SEC61A1: variants seen among roughly 807,000 people sequenced by gnomAD.
SEC61A1 encodes protein transport protein Sec61 subunit alpha isoform 1.
Under a neutral mutation model 55.2 loss-of-function variants are expected in SEC61A1, and 15 were observed. The observed-to-expected ratio is 0.27, with a 90% confidence interval of 0.18 to 0.42. SEC61A1 has a LOEUF of 0.42. SEC61A1 is among the 10% of genes least tolerant of loss of function. The probability of loss-of-function intolerance (pLI) is 1.00; values close to 1 mark genes in which losing one functional copy is unlikely to be tolerated. For synonymous variants in SEC61A1, 247 were observed against 234.0 expected (o/e 1.06, Z -0.51); for missense variants, 284 against 602.6 (o/e 0.47, Z 5.53).
In SEC61A1 at chr3:128,069,743, G is replaced by A. The variant is rs562589014; in HGVS notation, c.*81G>A. On this transcript the variant is annotated 3_prime_UTR_variant, in exon 12 of 12. Transcript: ENST00000243253. ...CTCTCATCATGGCGCGTGCTGCTGCGGCATATGGACTTTTAATAATGTTTT... is the reference window on the plus strand; with the variant it reads ...CTCTCATCATGGCGCGTGCTGCTGCAGCATATGGACTTTTAATAATGTTTT... 165 of 1,144,930 alleles carry A rather than the reference G, an allele frequency of 1.4e-4. No individual in the cohort carries two copies. In the African/African-American group the frequency reaches 1.9e-3, roughly 13 times the overall value. The allele number at this position is 1,144,930 out of a possible 1,614,324, so 70.9% of individuals were successfully genotyped here.
At position 128,067,103 on chromosome 3, in the gene SEC61A1, A is replaced by G. The variant is rs982380775; in HGVS notation, c.927A>G (p.Ser309=). Residue 309 remains serine, a synonymous_variant, in exon 9 of 12, where the codon TCA becomes TCG. Coordinates refer to ENST00000243253, the MANE Select transcript of SEC61A1 (RefSeq NM_013336.4). This position sits in a 1 kb window ranked among gnomAD's most constrained non-coding sequence, Gnocchi z 4.1. The stretch of plus-strand genomic sequence containing the variant: ...TTTATGTCATCTCCCAAATGCTCTC[A>G]GCTCGCTTCAGTGGCAACTTGCTGG... ...SNLYVISQML[S]ARFSGNLLVS... 3 of 1,614,162 alleles carry G rather than the reference A, an allele frequency of 1.9e-6. No homozygotes were observed. In the African/African-American group the frequency reaches 4.0e-5, roughly 22 times the overall value.
At chr3:128,057,162 G>A (rs1346638962) in intron 5 of SEC61A1, among the ~76,000 whole-genome samples, 4 of 152,170 alleles carry the variant, frequency 2.6e-5, no homozygotes, top group Non-Finnish European at 5.9e-5. Flanking sequence ...TTGAACTCCT[G>A]ATCTTGTGAT....
rs72974026 is a variant in SEC61A1, at chr3:128,059,744, G to A, written c.353-358G>A. ...CATTGAGTTTGGGTGCTGCAGGTGT[G>A]ACATCTCCAGATTGTGTCTCCGGAT... On this transcript the variant is annotated intron_variant, in intron 5 of 11. Coordinates refer to ENST00000243253, the MANE Select transcript of SEC61A1 (RefSeq NM_013336.4). 2.8e-3 allele frequency among the ~76,000 whole-genome samples: 422 copies of A among 152,144 alleles called. 2 individuals carry two copies. Among genetic ancestry groups the A allele is most frequent in the African/African-American group, 9.6e-3 (398 of 41,514 alleles).
upstream of SEC61A1, chr3:128,051,758 C>A: frequency 2.0e-6 from 3 of 1,505,222 alleles, no homozygotes; most frequent in South Asian, 2.5e-5. Context: ...TTCCTGAATT[C>A]TTCTGTGAGG....
chr3:128,062,171 A>G (rs113535278), intron 7 of SEC61A1, among the ~76,000 whole-genome samples: 3 of 152,330 alleles, frequency 2.0e-5, no homozygotes, highest in African/African-American at 4.8e-5. Flanking sequence ...GTGTGTCTAC[A>G]TGTCAGTTGC....
rs1196541821 is a variant in SEC61A1 at position 128,070,724 on chromosome 3, G to A, written c.*1062G>A. Reference sequence around the variant, plus strand: ...GGCTCAAGGTTGGTAGTGAAGTCAGGTTCGGGGTGCATGGGCTGTGGTGGT... The same window carrying A: ...GGCTCAAGGTTGGTAGTGAAGTCAGATTCGGGGTGCATGGGCTGTGGTGGT... On this transcript the variant is annotated 3_prime_UTR_variant, in exon 12 of 12. Coordinates refer to ENST00000243253, the MANE Select transcript of SEC61A1 (RefSeq NM_013336.4). 3 of 152,408 alleles carry A rather than the reference G, an allele frequency of 2.0e-5. No individual in the cohort carries two copies. Among genetic ancestry groups the A allele is most frequent in the Admixed American group, 6.5e-5 (1 of 15,282 alleles). The allele number at this position is 152,408 out of a possible 1,614,324, so 9.4% of individuals were successfully genotyped here.
At chr3:128,051,935 A>G (rs1342910020), upstream of SEC61A1, 1 of 1,511,480 alleles carries the variant, frequency 6.6e-7, no homozygotes, top group Admixed American at 2.0e-5. Flanking sequence ...CCCGCGCCCT[A>G]CTCAGCAGGT....
intron 7 of SEC61A1, among the ~76,000 whole-genome samples, chr3:128,061,318 C>T (rs2107644936): frequency 6.6e-6 from 1 of 152,300 alleles, no homozygotes. Flanking sequence ...GCTACATCCA[C>T]CAAGTGCCGT....
upstream of SEC61A1, chr3:128,052,226 C>A: frequency 8.1e-6 from 3 of 369,974 alleles, no homozygotes; most frequent in South Asian, 4.4e-5. Flanking sequence ...GCCGCACACC[C>A]CCAGTCCCGG....
chr3:128,066,274 C>G (rs1193264522), intron 8 of SEC61A1, among the ~76,000 whole-genome samples: 2 of 152,156 alleles, frequency 1.3e-5, no homozygotes, highest in Admixed American at 6.5e-5. Context: ...TAGGAAACAT[C>G]ACCAGCTAGA....
Position 128,067,158 on chromosome 3 carries a change from A to C in SEC61A1, c.975+7A>C, listed in dbSNP as rs919505633. The stretch of plus-strand genomic sequence containing the variant: ...CCTGCTGGGCACCTGGTCGGTAAGT[A>C]GGCTCTTTGAAGATGAGCTAGCAAT... On this transcript the variant is annotated splice_region_variant and intron_variant, in intron 9 of 11. Coordinates refer to ENST00000243253, the MANE Select transcript of SEC61A1 (RefSeq NM_013336.4). This position sits in a 1 kb window ranked among gnomAD's most constrained non-coding sequence, Gnocchi z 4.1. The C allele has an allele frequency of 3.2e-5, 51 of 1,613,748 alleles. No homozygotes were observed. Among genetic ancestry groups the C allele is most frequent in the Non-Finnish European group, 4.2e-5 (50 of 1,179,726 alleles).
chr3:128,069,549 G>A lies in SEC61A1; in HGVS notation c.1318G>A (p.Ala440Thr), dbSNP rs752943775. The change falls in exon 12 of 12, where the codon GCC becomes ACC. Residue 440 changes from alanine to threonine, a missense_variant. Transcript: ENST00000243253. ...CTCGGTCCTGGCTGACTTCCTAGGCGCCATTGGGTCTGGAACCGGGATCCT... is the reference window on the plus strand; with the variant it reads ...CTCGGTCCTGGCTGACTTCCTAGGCACCATTGGGTCTGGAACCGGGATCCT... The part of the protein sequence containing the change: ...ALSVLADFLG[A>T]IGSGTGILLA... 3.1e-6 allele frequency: 5 copies of A among 1,613,986 alleles called. No individual in the cohort carries two copies. Among genetic ancestry groups the A allele is most frequent in the Admixed American group, 1.7e-5 (1 of 60,000 alleles).
At chr3:128,068,121 C>A in intron 11 of SEC61A1, 62 bp downstream of exon 11, 2 of 1,344,036 alleles carry the variant, frequency 1.5e-6, no homozygotes, top group Non-Finnish European at 2.1e-6. Flanking sequence ...TCTTTCCATG[C>A]AGGGCATCCT....
At chr3:128,057,227 C>T (rs1559794878) in intron 5 of SEC61A1, among the ~76,000 whole-genome samples, 1 of 152,222 alleles carries the variant, frequency 6.6e-6, no homozygotes, top group Non-Finnish European at 1.5e-5. Context: ...CCACCATGCC[C>T]AGCCCAAACA....
At chr3:128,051,863 C>A (rs1256753825), upstream of SEC61A1, 2 of 1,536,042 alleles carry the variant, frequency 1.3e-6, no homozygotes, top group Admixed American at 2.0e-5. Context: ...CCCACACCCA[C>A]GACAAGCCTC....
At position 128,069,759 on chromosome 3, in the gene SEC61A1, A is replaced by G. The variant is rs1942101308; in HGVS notation, c.*97A>G. On this transcript the variant is annotated 3_prime_UTR_variant, in exon 12 of 12. Coordinates refer to ENST00000243253, the MANE Select transcript of SEC61A1 (RefSeq NM_013336.4). ...TGCTGCTGCGGCATATGGACTTTTA[A>G]TAATGTTTTTGAATTTCGTATTCTT... 6 of 1,004,670 alleles carry G rather than the reference A, an allele frequency of 6.0e-6. No homozygotes were observed. Among genetic ancestry groups the G allele is most frequent in the Non-Finnish European group, 1.5e-6 (1 of 672,874 alleles). 62.2% of individuals were successfully genotyped at this position (1,004,670 alleles called of 1,614,324 possible).
chr3:128,057,577 TG>T (rs71153111), intron 5 of SEC61A1, among the ~76,000 whole-genome samples: 152,264 of 152,268 alleles, frequency 1, 76,130 homozygotes, highest in Middle Eastern at 1. Context: ...TTTAACTGAC[TG>T]GGGGGCGGTG....
rs1941702515 is a variant in SEC61A1 at position 128,052,539 on chromosome 3, GAGC to G, written c.-10_-8del. 1.3e-6 allele frequency: 2 copies of G among 1,597,394 alleles called. No homozygotes were observed. The highest frequency in any genetic ancestry group is 4.5e-5 in the East Asian group (2 of 44,188). ...TGAGCTGAAGCGGGACCCGGAGCCC[GAGC>G]AGCCGCCGCCATGGCAAGTGAGTCC... On this transcript the variant is annotated 5_prime_UTR_variant, in exon 1 of 12. Transcript: ENST00000243253.
chr3:128,052,238 G>A, upstream of SEC61A1: 1 of 327,452 alleles, frequency 3.1e-6, no homozygotes. Context: ...CAGTCCCGGC[G>A]GGCCCCGCGC....
Sources: allele counts gnomAD v4.1 joint callset (sites outside exome capture counted in the v4.1 genomes callset), GRCh38; gene constraint gnomAD v4.1.1; non-coding constraint Gnocchi (gnomAD v3.1); transcripts MANE v1.5; gene names NCBI Gene and HGNC (gene_info 2026-07-23, HGNC 2026-07-21).